Variants in PIBF1 observed in about 807,000 individuals in gnomAD.
The protein encoded by PIBF1 is progesterone-induced-blocking factor 1.
Under a neutral mutation model 112.5 loss-of-function variants are expected in PIBF1, and 90 were observed. The ratio of observed to expected loss-of-function variants is 0.80; its 90% CI spans 0.67 to 0.95. The LOEUF is 0.95. Among genes scored for constraint, PIBF1 ranks in the 40% least tolerant of loss-of-function variants. PIBF1 has a pLI of 0.00. For synonymous variants in PIBF1, 301 were observed against 288.6 expected (o/e 1.04, Z -0.44); for missense variants, 915 against 852.3 (o/e 1.07, Z -0.92).
At chr13:72,928,018 TATATATAC>T (rs1566458574) in intron 13 of PIBF1, among the ~76,000 whole-genome samples, 26 of 61,086 alleles carry the variant, frequency 4.3e-4, no homozygotes, top group South Asian at 3.7e-3. Context: ...TATATATACA[TATATATAC>T]ATATATATAT....
intron 10 of PIBF1, among the ~76,000 whole-genome samples, chr13:72,885,106 T>C (rs1293247917): frequency 6.6e-6 from 1 of 152,144 alleles, no homozygotes; most frequent in African/African-American, 2.4e-5. Context: ...TCACACTACT[T>C]TTGCTCCCTT....
chr13:72,932,439 A>G (rs749015035), intron 14 of PIBF1, among the ~76,000 whole-genome samples: 8 of 152,210 alleles, frequency 5.3e-5, no homozygotes, highest in Admixed American at 2.0e-4. Flanking sequence ...GACCAGAAAT[A>G]CTTCATTTTA....
intron 10 of PIBF1, among the ~76,000 whole-genome samples, chr13:72,869,891 G>A (rs1023498138): frequency 6.6e-6 from 1 of 151,848 alleles, no homozygotes; most frequent in Non-Finnish European, 1.5e-5. Context: ...TATTTCATGA[G>A]TTTTCAATAA....
intron 10 of PIBF1, among the ~76,000 whole-genome samples, chr13:72,887,020 G>A (rs998067267): frequency 6.7e-6 from 1 of 149,170 alleles, no homozygotes; most frequent in African/African-American, 2.5e-5. Context: ...TAATAGAACT[G>A]TGTTACTCTA....
chr13:72,987,858 A>ATTTTTTTTTTTTTTTTTTTT (rs55999445), intron 16 of PIBF1, among the ~76,000 whole-genome samples: 18 of 58,114 alleles, frequency 3.1e-4, no homozygotes, highest in African/African-American at 1.2e-3. Context: ...TTATTTATTT[A>ATTTTTTTTTTTTTTTTTTTT]TTTTTTTTTT....
At chr13:72,830,450 A>G (rs2037050828) in intron 8 of PIBF1, among the ~76,000 whole-genome samples, 1 of 152,178 alleles carries the variant, frequency 6.6e-6, no homozygotes, top group Non-Finnish European at 1.5e-5. Flanking sequence ...GATACGTTCC[A>G]TCAATACCCA....
rs2036886530 is a variant in PIBF1 at position 72,827,738 on chromosome 13, C to T, written c.921C>T (p.Val307=). The part of the protein sequence containing the change: ...KERSELSKEV[V]TLEQTVTLLQ... ...TTGTTTCTACATGTATGTAGGTAGT[C>T]ACCTTAGAGCAAACTGTTACTTTAC... Residue 307 remains valine (V), a synonymous_variant, in exon 8 of 18, where the codon GTC becomes GTT. Transcript: ENST00000326291. 6.5e-7 allele frequency: 1 copy of T among 1,543,746 alleles called. No homozygotes were observed. Among genetic ancestry groups the T allele is most frequent in the South Asian group, 1.3e-5 (1 of 76,164 alleles).
chr13:73,006,444 A>G (rs1400504812), intron 17 of PIBF1, among the ~76,000 whole-genome samples: 1 of 152,186 alleles, frequency 6.6e-6, no homozygotes, highest in African/African-American at 2.4e-5. Context: ...CTGATCTCAG[A>G]CAGCTTCACA....
intron 9 of PIBF1, among the ~76,000 whole-genome samples, chr13:72,844,762 C>CGGATGAAGTCTTACTGTAT (rs375548034): frequency 7.9e-6 from 1 of 125,922 alleles, no homozygotes; most frequent in Non-Finnish European, 1.7e-5. Context: ...CACACACACA[C>CGGATGAAGTCTTACTGTAT]ACACACACAC....
Position 72,843,298 on chromosome 13 carries a change from G to A in PIBF1, c.1223+7930G>A, listed in dbSNP as rs375460346. Among the ~76,000 whole-genome samples, 119 of 152,322 alleles carry A rather than the reference G, an allele frequency of 7.8e-4. 2 individuals carry two copies. The South Asian group carries it at 0.021, about 27-fold the overall frequency. ...AATGATGGATGAATTTAAAGAATACGTAGGAGAATTGGCAAGATCTGGTGA... is the reference window on the plus strand; with the variant it reads ...AATGATGGATGAATTTAAAGAATACATAGGAGAATTGGCAAGATCTGGTGA... On this transcript the variant is annotated intron_variant, in intron 9 of 17. Transcript: ENST00000326291.
At chr13:72,835,027 T>C (rs1370661611) in intron 8 of PIBF1, among the ~76,000 whole-genome samples, 1 of 152,162 alleles carries the variant, frequency 6.6e-6, no homozygotes, top group Non-Finnish European at 1.5e-5. Flanking sequence ...TTAAGTCTTT[T>C]GGAAAATAAT....
chr13:72,949,300 C>CTT (rs71099771), intron 14 of PIBF1, among the ~76,000 whole-genome samples: 2,162 of 55,034 alleles, frequency 0.039, 387 homozygotes, highest in Non-Finnish European at 0.046. Context: ...AAATAGCTGT[C>CTT]TTTTTTTTTT....
At chr13:72,829,369 A>G (rs1374569143) in intron 8 of PIBF1, among the ~76,000 whole-genome samples, 4 of 152,194 alleles carry the variant, frequency 2.6e-5, no homozygotes, top group Non-Finnish European at 5.9e-5. Flanking sequence ...TACATCCTGA[A>G]TGATATTGCC....
At chr13:72,859,533 T>C (rs1276296084) in intron 10 of PIBF1, among the ~76,000 whole-genome samples, 10 of 152,152 alleles carry the variant, frequency 6.6e-5, no homozygotes, top group Admixed American at 6.5e-4. Context: ...TAAAACCATA[T>C]TTAACAAATT....
intron 11 of PIBF1, among the ~76,000 whole-genome samples, chr13:72,907,928 C>G (rs1315010639): frequency 6.6e-6 from 1 of 152,044 alleles, no homozygotes; most frequent in Non-Finnish European, 1.5e-5. Context: ...TACAAAATGA[C>G]TCCAATTTCC....
chr13:72,790,472 T>G (rs2034850999), intron 2 of PIBF1, among the ~76,000 whole-genome samples: 1 of 130,156 alleles, frequency 7.7e-6, no homozygotes, highest in Non-Finnish European at 1.6e-5. Flanking sequence ...CACTTATAGA[T>G]AGATCACACA....
intron 5 of PIBF1, among the ~76,000 whole-genome samples, chr13:72,802,205 G>A (rs796676875): frequency 5.3e-5 from 8 of 152,134 alleles, no homozygotes; most frequent in Non-Finnish European, 1.0e-4. Context: ...CCCCTGTATC[G>A]TCCAAGGGTC....
At chr13:72,899,076 G>A (rs546569724) in intron 11 of PIBF1, among the ~76,000 whole-genome samples, 1 of 151,950 alleles carries the variant, frequency 6.6e-6, no homozygotes, top group African/African-American at 2.4e-5. Flanking sequence ...CTTAAATCAA[G>A]AAGAATTAGA....
chr13:73,016,436 C>G lies in PIBF1; in HGVS notation c.*517C>G, dbSNP rs1279422113. 1 of 151,980 alleles carries G rather than the reference C, an allele frequency of 6.6e-6. No homozygotes were observed. Among genetic ancestry groups the G allele is most frequent in the East Asian group, 1.9e-4 (1 of 5,188 alleles). 9.4% of individuals were successfully genotyped at this position (151,980 alleles called of 1,614,324 possible). A position where few individuals can be genotyped will look rare whatever the true frequency, so the allele number is the denominator to read the frequency against. On this transcript the variant is annotated 3_prime_UTR_variant, in exon 18 of 18. Transcript: ENST00000326291. ...TAACCAATAAAATCTGGCAGAAAGT[C>G]TGCTATTCCATTGGTAAAGTGAAAA...
Sources: gnomAD v4.1 joint callset for allele counts (sites outside exome capture counted in the v4.1 genomes callset) on GRCh38, gnomAD v4.1.1 for gene constraint, MANE v1.5 for transcripts, NCBI Gene and HGNC (gene_info 2026-07-23, HGNC 2026-07-21) for gene names.